The following GSTZ1 variants were observed in gnomAD, a reference collection of about 807,000 sequenced individuals.
GSTZ1 encodes the protein glutathione S-transferase zeta 1.
A neutral mutation model predicts 35.9 loss-of-function variants in GSTZ1; 34 were observed. The observed-to-expected ratio is 0.95, with a 90% CI of 0.72 to 1.26. The LOEUF (loss-of-function observed/expected upper bound fraction) is 1.26, where lower values mean the gene tolerates loss of function less well. Among genes scored for constraint, GSTZ1 ranks in the 50% most tolerant of loss-of-function variants. The pLI is 0.00. For missense variants in GSTZ1, 263 were observed against 271.7 expected, an observed-to-expected ratio of 0.97 and a Z score of 0.23; for synonymous variants, 93 against 101.2, an observed-to-expected ratio of 0.92 and a Z score of 0.49.
Position 77,331,151 on chromosome 14 carries a change from C to G in GSTZ1, c.607C>G (p.His203Asp). Residue 203 changes from histidine to aspartate, a missense_variant, in exon 9 of 9, where the codon CAC becomes GAC. Physicochemically the swap from His to Asp is moderately conservative, Grantham distance 81. Coordinates refer to ENST00000216465, the MANE Select transcript of GSTZ1 (RefSeq NM_145870.3). ...LLVLEAFQVS[H>D]PCRQPDTPTE... ...GGTCTTGGAGGCCTTCCAGGTGTCTCACCCCTGCCGGCAGCCAGATACACC... is the reference window on the plus strand; with the variant it reads ...GGTCTTGGAGGCCTTCCAGGTGTCTGACCCCTGCCGGCAGCCAGATACACC... 5 of 1,614,146 alleles carry G rather than the reference C, an allele frequency of 3.1e-6. No homozygotes were observed. Among genetic ancestry groups the G allele is most frequent in the Non-Finnish European group, 4.2e-6 (5 of 1,179,990 alleles).
chr14:77,324,959 G>A (rs778517696), intron 2 of GSTZ1, 38 bp downstream of exon 2: 12 of 1,537,410 alleles, frequency 7.8e-6, no homozygotes, highest in African/African-American at 1.4e-5. Context: ...GTGCTGGAGT[G>A]GGGTGGACTG....
At chr14:77,329,265 G>T in intron 6 of GSTZ1, 64 bp downstream of exon 6, 1 of 1,070,842 alleles carries the variant, frequency 9.3e-7, no homozygotes, top group South Asian at 1.2e-5. Flanking sequence ...CTCGCACACA[G>T]GGGCCTGGGT....
intron 2 of GSTZ1, chr14:77,325,948 C>G (rs2139571389): frequency 6.6e-6 from 1 of 152,598 alleles, no homozygotes; most frequent in South Asian, 2.1e-4. Flanking sequence ...GGTGTCTCCT[C>G]CAGCCCCAAA....
At chr14:77,329,598 GCT>G (rs1892507773) in intron 6 of GSTZ1, 155 bp from the exon 7 acceptor site, 1 of 663,204 alleles carries the variant, frequency 1.5e-6, no homozygotes, top group South Asian at 1.7e-5. Flanking sequence ...ATCCCTAACA[GCT>G]CTCTCGAGAC....
At chr14:77,326,679 G>A (rs561002045) in intron 2 of GSTZ1, 159 bp from the exon 3 acceptor site, 3 of 595,002 alleles carry the variant, frequency 5.0e-6, no homozygotes, top group African/African-American at 3.7e-5. Context: ...GACAAGGAAA[G>A]CTGAGAGAAG....
intron 7 of GSTZ1, 103 bp downstream of exon 7, chr14:77,329,910 A>C: frequency 1.1e-6 from 1 of 869,876 alleles, no homozygotes; most frequent in Non-Finnish European, 1.9e-6. Flanking sequence ...CTGCAGGGGG[A>C]TCTCTGTGCC....
At chr14:77,328,130 T>C in intron 5 of GSTZ1, 93 bp downstream of exon 5, 1 of 1,293,668 alleles carries the variant, frequency 7.7e-7, no homozygotes, top group East Asian at 2.4e-5. Flanking sequence ...GGCGGGGGTG[T>C]CAAGGGAGGG....
chr14:77,321,323 G>A, intron 1 of GSTZ1, 140 bp downstream of exon 1: 16 of 1,530,482 alleles, frequency 1.0e-5, no homozygotes, highest in Non-Finnish European at 1.4e-5. Flanking sequence ...GGCACGCTCT[G>A]CGCCTGCGTG....
At chr14:77,326,999 T>C in intron 3 of GSTZ1, 94 bp downstream of exon 3, 1 of 850,586 alleles carries the variant, frequency 1.2e-6, no homozygotes, top group Non-Finnish European at 1.9e-6. Flanking sequence ...CCCAGAGAAG[T>C]GAACCTGTGT....
Position 77,327,903 on chromosome 14 carries a change from T to C in GSTZ1, c.217-9T>C, listed in dbSNP as rs1175042351. ...CCCTCTCCCTGCCTCACTGCTCCCCTCTGGACAGCTGGCCATCATTGAGTA... is the reference window on the plus strand; with the variant it reads ...CCCTCTCCCTGCCTCACTGCTCCCCCCTGGACAGCTGGCCATCATTGAGTA... On this transcript the variant is annotated splice_polypyrimidine_tract_variant and intron_variant, in intron 4 of 8. Coordinates refer to ENST00000216465, the MANE Select transcript of GSTZ1 (RefSeq NM_145870.3). 1 of 1,613,642 alleles carries C rather than the reference T, an allele frequency of 6.2e-7. No individual in the cohort carries two copies. The highest frequency in any genetic ancestry group is 8.5e-7 in the Non-Finnish European group (1 of 1,179,900).
At chr14:77,330,963 C>G in intron 8 of GSTZ1, 106 bp from the exon 9 acceptor site, 1 of 1,097,060 alleles carries the variant, frequency 9.1e-7, no homozygotes. Flanking sequence ...CCCTGGACAG[C>G]TCCCTCGACC....
At chr14:77,326,631 G>T in intron 2 of GSTZ1, 1 of 548,568 alleles carries the variant, frequency 1.8e-6, no homozygotes, top group Non-Finnish European at 3.3e-6. Flanking sequence ...GGGTGAGTGA[G>T]GCAGAGCATC....
At chr14:77,321,823 C>G (rs1892012960) in intron 1 of GSTZ1, among the ~76,000 whole-genome samples, 1 of 150,530 alleles carries the variant, frequency 6.6e-6, no homozygotes, top group Admixed American at 6.7e-5. Context: ...GCGGAGCTTG[C>G]AGTGAGCCGA....
chr14:77,324,407 A>C lies in GSTZ1; in HGVS notation c.16-463A>C. The stretch of plus-strand genomic sequence containing the variant: ...AATGATCCACCCACCTTGGCTCCCG[A>C]AGTGCTGGGATTACAGGCGTGAGCC... On this transcript the variant is annotated intron_variant, in intron 1 of 8. Transcript: ENST00000216465. 3 of 616,718 alleles carry C rather than the reference A, an allele frequency of 4.9e-6. No homozygotes were observed. In the East Asian group the frequency reaches 8.4e-5, roughly 17 times the overall value. The allele number at this position is 616,718 out of a possible 1,614,324, so 38.2% of individuals were successfully genotyped here. A position where few individuals can be genotyped will look rare whatever the true frequency, so the allele number is the denominator to read the frequency against.
chr14:77,325,942 TCTC>T (rs1892294070), intron 2 of GSTZ1: 1 of 152,356 alleles, frequency 6.6e-6, no homozygotes, highest in South Asian at 2.1e-4. Flanking sequence ...CCTCCAGGTG[TCTC>T]CTCCAGCCCC....
At chr14:77,328,727 T>C in intron 5 of GSTZ1, 1 of 193,246 alleles carries the variant, frequency 5.2e-6, no homozygotes, top group Non-Finnish European at 1.1e-5. Context: ...CTTGTGGACC[T>C]CCCTCATCCC....
At chr14:77,327,444 C>A in intron 3 of GSTZ1, 28 bp from the exon 4 acceptor site, 1 of 1,530,154 alleles carries the variant, frequency 6.5e-7, no homozygotes, top group Non-Finnish European at 9.0e-7. Context: ...GCCAGGCCAC[C>A]CAGCCCACCA....
chr14:77,329,645 G>C, intron 6 of GSTZ1, 110 bp from the exon 7 acceptor site: 1 of 821,362 alleles, frequency 1.2e-6, no homozygotes, highest in Non-Finnish European at 2.1e-6. Context: ...GCCATGCCCA[G>C]TCTGTCACTC....
chr14:77,326,895 G>A lies in GSTZ1; in HGVS notation c.125G>A (p.Gly42Glu), dbSNP rs1167111019. The change falls in exon 3 of 9, where the codon GGG (glycine) becomes GAG (glutamate). Residue 42 changes from glycine (G) to glutamate (E), a missense_variant. Physicochemically the swap from Gly to Glu is moderately conservative, Grantham distance 98 (BLOSUM62 -2). Transcript: ENST00000216465. Reference sequence around the variant, plus strand: ...GTGCCCATCAATCTCATAAAGGATGGGGGCCAACAGGTAAGAAGGCTGTGC... The same window carrying A: ...GTGCCCATCAATCTCATAAAGGATGAGGGCCAACAGGTAAGAAGGCTGTGC... ...ETVPINLIKD[G>E]GQQFSKDFQA... 1 of 1,601,246 alleles carries A rather than the reference G, an allele frequency of 6.2e-7. No homozygotes were observed. Among genetic ancestry groups the A allele is most frequent in the Admixed American group, 1.7e-5 (1 of 58,916 alleles).
Sources: gnomAD v4.1 joint callset for allele counts (sites outside exome capture counted in the v4.1 genomes callset) on GRCh38, gnomAD v4.1.1 for gene constraint, MANE v1.5 for transcripts, NCBI Gene and HGNC (gene_info 2026-07-23, HGNC 2026-07-21) for gene names.